FAT4: variants seen among roughly 807,000 people sequenced by gnomAD.
FAT4 encodes the protein protocadherin Fat 4.
FAT4 carries 84 observed loss-of-function variants against 303.9 expected under a neutral mutation model. The ratio of observed to expected loss-of-function variants is 0.28; its 90% CI spans 0.23 to 0.33. The LOEUF is 0.33. FAT4 is among the 10% of genes least tolerant of loss of function. The pLI is 1.00. For missense variants in FAT4, 6,005 were observed against 6,146.8 expected (o/e 0.98, Z 0.77); for synonymous variants, 2,307 against 2,298.8 (o/e 1.00, Z -0.10).
rs755867707 is a variant in FAT4 at position 125,320,868 on chromosome 4, G to A, written c.4457G>A (p.Arg1486Gln). The change falls in exon 2 of 18, where the codon CGG (arginine) becomes CAG (glutamine). Residue 1486 changes from arginine (R) to glutamine (Q), a missense_variant. Arg to Gln is a conservative substitution (Grantham distance 43, BLOSUM62 1). Transcript: ENST00000394329. ...GTIYTNAEID[R>Q]EFANLFELTV... ...ATATATACTAATGCTGAAATAGATC[G>A]GGAATTTGCTAATCTCTTTGAGTTG... The A allele has an allele frequency of 1.2e-5, 20 of 1,614,030 alleles. No homozygotes were observed. Among genetic ancestry groups the A allele is most frequent in the East Asian group, 2.2e-5 (1 of 44,896 alleles).
intron 2 of FAT4, among the ~76,000 whole-genome samples, chr4:125,394,973 A>G (rs1734111006): frequency 6.6e-6 from 1 of 152,182 alleles, no homozygotes; most frequent in South Asian, 2.1e-4. Flanking sequence ...CATACTTGTT[A>G]TGTGACAGAT....
At chr4:125,410,876 T>A (rs1333262649) in intron 5 of FAT4, among the ~76,000 whole-genome samples, 1 of 152,146 alleles carries the variant, frequency 6.6e-6, no homozygotes, top group African/African-American at 2.4e-5. Context: ...GCTATATTTA[T>A]TCATTGTTTT....
At chr4:125,436,460 A>G (rs1391973020) in intron 8 of FAT4, among the ~76,000 whole-genome samples, 1 of 152,168 alleles carries the variant, frequency 6.6e-6, no homozygotes, top group Non-Finnish European at 1.5e-5. Flanking sequence ...AGGGCTGGAT[A>G]TACACATTTG....
intron 2 of FAT4, among the ~76,000 whole-genome samples, chr4:125,390,044 A>C (rs1733918557): frequency 6.6e-6 from 1 of 152,168 alleles, no homozygotes; most frequent in Non-Finnish European, 1.5e-5. Flanking sequence ...GTCACCCAAA[A>C]TAGGGAAAAA....
Position 125,316,601 on chromosome 4 carries a change from A to G in FAT4, c.190A>G (p.Ile64Val), listed in dbSNP as rs781481766. The G allele has an allele frequency of 6.2e-7, 1 of 1,614,008 alleles. No individual in the cohort carries two copies. Among genetic ancestry groups the G allele is most frequent in the Admixed American group, 1.7e-5 (1 of 60,030 alleles). ...EQPPGTLVGT[I>V]QTRPGFTYRL... ...ACCTCCAGGCACTCTGGTAGGCACC[A>G]TCCAGACGCGCCCCGGCTTCACCTA... Residue 64 changes from isoleucine (I) to valine (V), a missense_variant, in exon 2 of 18, where the codon ATC becomes GTC. Physicochemically the swap from Ile to Val is conservative, Grantham distance 29. Coordinates refer to ENST00000394329, the MANE Select transcript of FAT4 (RefSeq NM_001291303.3). This position sits in a 1 kb window ranked among gnomAD's most constrained non-coding sequence, Gnocchi z 5.7.
chr4:125,360,493 A>C (rs1732612178), intron 2 of FAT4, among the ~76,000 whole-genome samples: 1 of 152,156 alleles, frequency 6.6e-6, no homozygotes, highest in Non-Finnish European at 1.5e-5. Context: ...CCCTCGGTAG[A>C]GTCCCACTGT....
chr4:125,446,977 TGA>T (rs1560612723), intron 9 of FAT4, among the ~76,000 whole-genome samples: 1 of 152,014 alleles, frequency 6.6e-6, no homozygotes, highest in East Asian at 1.9e-4. Flanking sequence ...CAGTGGAAAA[TGA>T]ATATTTGACT....
intron 8 of FAT4, among the ~76,000 whole-genome samples, chr4:125,436,864 A>C (rs1725471971): frequency 6.6e-6 from 1 of 151,104 alleles, no homozygotes; most frequent in Non-Finnish European, 1.5e-5. Flanking sequence ...TTATCTATGT[A>C]TTTTTTTTGA....
intron 2 of FAT4, among the ~76,000 whole-genome samples, chr4:125,334,991 AC>A (rs1330282256): frequency 3.9e-5 from 6 of 152,208 alleles, no homozygotes; most frequent in Non-Finnish European, 8.8e-5. Flanking sequence ...GTAATTAGTT[AC>A]AAGTAATGAA....
chr4:125,416,377 TA>T, intron 6 of FAT4, 70 bp from the exon 7 acceptor site: 1 of 1,336,448 alleles, frequency 7.5e-7, no homozygotes, highest in Non-Finnish European at 1.0e-6. Flanking sequence ...CATTTTTTTT[TA>T]ATGGAGGCAT....
intron 10 of FAT4, among the ~76,000 whole-genome samples, chr4:125,453,477 G>A (rs1726168521): frequency 6.6e-6 from 1 of 152,156 alleles, no homozygotes; most frequent in African/African-American, 2.4e-5. Flanking sequence ...GGAAGGCCAA[G>A]GCGGGCAGAT....
chr4:125,395,061 G>C (rs556891035), intron 2 of FAT4, among the ~76,000 whole-genome samples: 1 of 152,170 alleles, frequency 6.6e-6, no homozygotes, highest in Admixed American at 6.6e-5. Flanking sequence ...TGCAATTCTT[G>C]GTAGATAAAA....
chr4:125,318,208 G>GA lies in FAT4; in HGVS notation c.1798dup (p.Thr600AsnfsTer10). 6.2e-7 allele frequency: 1 copy of GA among 1,614,216 alleles called. No individual in the cohort carries two copies. Reference sequence around the variant, plus strand: ...CTGTGGTTGAGAATGCCCCAACAGGGACAGAACTGTTGATGCTCAGGGCAA... The same window carrying GA: ...CTGTGGTTGAGAATGCCCCAACAGGGAACAGAACTGTTGATGCTCAGGGCAA... On this transcript the variant is annotated frameshift_variant, in exon 2 of 18. Transcript: ENST00000394329. LOFTEE classifies it high-confidence loss of function.
intron 9 of FAT4, among the ~76,000 whole-genome samples, chr4:125,447,828 C>T (rs931749296): frequency 2.0e-5 from 3 of 152,038 alleles, no homozygotes; most frequent in Non-Finnish European, 2.9e-5. Flanking sequence ...TTATTTCTTA[C>T]TACTTTACAA....
chr4:125,320,174 G>T lies in FAT4; in HGVS notation c.3763G>T (p.Glu1255Ter), dbSNP rs1019865854. 1 of 1,613,878 alleles carries T rather than the reference G, an allele frequency of 6.2e-7. No individual in the cohort carries two copies. Among genetic ancestry groups the T allele is most frequent in the African/African-American group, 1.3e-5 (1 of 75,014 alleles). The change falls in exon 2 of 18, where the codon GAA becomes TAA. Residue 1255 changes from glutamate (E) to a stop codon, truncating the protein, a stop_gained. Coordinates refer to ENST00000394329, the MANE Select transcript of FAT4 (RefSeq NM_001291303.3). LOFTEE classifies it high-confidence loss of function. ...CTATTCTATAATAAAAGGAAATGAA[G>T]AAAGACAGTTTGCTATAGACAGTAC... ...IHYSIIKGNE[E>*]RQFAIDSTSG...
intron 9 of FAT4, among the ~76,000 whole-genome samples, chr4:125,447,226 T>C (rs528411163): frequency 6.6e-6 from 1 of 152,214 alleles, no homozygotes; most frequent in Non-Finnish European, 1.5e-5. Context: ...CATTTTAATT[T>C]TTAAAATGAG....
At chr4:125,425,787 C>T (rs1406994033) in intron 7 of FAT4, among the ~76,000 whole-genome samples, 7 of 151,998 alleles carry the variant, frequency 4.6e-5, no homozygotes, top group African/African-American at 1.7e-4. Context: ...AATTCTCAGT[C>T]TGTTGTACTA....
chr4:125,465,025 A>G (rs1726614040), intron 11 of FAT4, among the ~76,000 whole-genome samples: 1 of 152,184 alleles, frequency 6.6e-6, no homozygotes, highest in Non-Finnish European at 1.5e-5. Flanking sequence ...ATCTGTTTTT[A>G]TTAAGCACAT....
rs1245362647 is a variant in FAT4, at chr4:125,449,891, G to A, written c.8881G>A (p.Gly2961Ser). 1 of 1,613,872 alleles carries A rather than the reference G, an allele frequency of 6.2e-7. No homozygotes were observed. Among genetic ancestry groups the A allele is most frequent in the Non-Finnish European group, 8.5e-7 (1 of 1,179,910 alleles). The change falls in exon 10 of 18, where the codon GGT becomes AGT. Residue 2961 changes from glycine (G) to serine (S), a missense_variant. Physicochemically the swap from Gly to Ser is moderately conservative, Grantham distance 56. Coordinates refer to ENST00000394329, the MANE Select transcript of FAT4 (RefSeq NM_001291303.3). ...HSFIVTSSDR[G>S]KPSLISETTV... ...TTTTATAGTGACATCTTCAGATCGA[G>A]GTAAACCTTCCTTAATTAGTGAGAC...
Sources: gnomAD v4.1 joint callset for allele counts (sites outside exome capture counted in the v4.1 genomes callset) on GRCh38, gnomAD v4.1.1 for gene constraint, Gnocchi (gnomAD v3.1) non-coding constraint, MANE v1.5 for transcripts, NCBI Gene and HGNC (gene_info 2026-07-23, HGNC 2026-07-21) for gene names.